COMMD1: variants seen among roughly 807,000 people sequenced by gnomAD.
COMMD1 encodes the protein COMM domain-containing protein 1.
Under a neutral mutation model 17.2 loss-of-function variants are expected in COMMD1, and 10 were observed. The observed-to-expected ratio is 0.58, with a 90% CI of 0.36 to 0.99. The LOEUF (loss-of-function observed/expected upper bound fraction) is 0.99, where lower values mean the gene tolerates loss of function less well. COMMD1 is among the 50% of genes least tolerant of loss of function. The pLI is 0.01. For synonymous variants in COMMD1, 97 were observed against 91.6 expected, an observed-to-expected ratio of 1.06 and a Z score of -0.34; for missense variants, 270 against 231.8, an observed-to-expected ratio of 1.17 and a Z score of -1.07.
intron 1 of COMMD1, 149 bp from the exon 2 acceptor site, chr2:62,000,552 A>T: frequency 1.3e-6 from 1 of 784,486 alleles, no homozygotes; most frequent in Non-Finnish European, 2.1e-6. Context: ...TCTGCCTCCC[A>T]AAGTGCTGAG....
chr2:61,975,118 CTTTTTTTT>C lies in COMMD1; in HGVS notation c.181-25568_181-25561del. On this transcript the variant is annotated intron_variant, in intron 1 of 2. Transcript: ENST00000311832. ...TCATGGCTCGATAGCTCATTTCTTTCTTTTTTTTTTTTTTTTTTTTTTGTATTTTAATT... is the reference window on the plus strand; with the variant it reads ...TCATGGCTCGATAGCTCATTTCTTTCTTTTTTTTTTTTTTGTATTTTAATT... Among the ~76,000 whole-genome samples the C allele has an allele frequency of 2.5e-3, 198 of 80,176 alleles. 2 individuals carry two copies. In the East Asian group the frequency reaches 0.027, roughly 11 times the overall value. 52.6% of individuals were successfully genotyped at this position (80,176 alleles called of 152,430 possible). A position where few individuals can be genotyped will look rare whatever the true frequency, so the allele number is the denominator to read the frequency against.
intron 1 of COMMD1, among the ~76,000 whole-genome samples, chr2:61,891,543 G>A (rs909488912): frequency 1.3e-5 from 2 of 152,004 alleles, no homozygotes; most frequent in Non-Finnish European, 2.9e-5. Flanking sequence ...GCCTGGCCAA[G>A]ATGGTGAAAT....
chr2:62,037,414 ACT>A (rs1330152361), intron 2 of COMMD1, among the ~76,000 whole-genome samples: 1 of 152,052 alleles, frequency 6.6e-6, no homozygotes, highest in African/African-American at 2.4e-5. Flanking sequence ...TAATTAGTAA[ACT>A]CTATGTGGCC....
At chr2:61,920,893 ATG>A (rs955209805) in intron 1 of COMMD1, among the ~76,000 whole-genome samples, 9 of 149,944 alleles carry the variant, frequency 6.0e-5, no homozygotes, top group South Asian at 2.1e-4. Flanking sequence ...ATATATATAA[ATG>A]TGTGTGTGTG....
At chr2:62,039,382 T>A (rs1200584349) in intron 2 of COMMD1, among the ~76,000 whole-genome samples, 1 of 152,260 alleles carries the variant, frequency 6.6e-6, no homozygotes, top group African/African-American at 2.4e-5. Flanking sequence ...AAGCCTGTGC[T>A]CTTCCCTTTT....
intron 2 of COMMD1, among the ~76,000 whole-genome samples, chr2:62,121,371 CAAAAAAAA>C (rs55789110): frequency 3.1e-3 from 144 of 47,210 alleles, no homozygotes; most frequent in African/African-American, 9.6e-3. Context: ...GACTCTTTCT[CAAAAAAAA>C]AAAAAAAAAA....
chr2:61,962,829 T>G (rs1433540867), intron 1 of COMMD1, among the ~76,000 whole-genome samples: 1 of 152,110 alleles, frequency 6.6e-6, no homozygotes, highest in Non-Finnish European at 1.5e-5. Context: ...TGTCTCTTAT[T>G]TTCACTGGTC....
At chr2:62,110,111 T>C (rs1558603499) in intron 2 of COMMD1, among the ~76,000 whole-genome samples, 1 of 151,958 alleles carries the variant, frequency 6.6e-6, no homozygotes, top group African/African-American at 2.4e-5. Context: ...AGACAGGGTC[T>C]CTTGCCCAGG....
At chr2:62,070,578 A>G (rs1050183805) in intron 2 of COMMD1, among the ~76,000 whole-genome samples, 20 of 151,808 alleles carry the variant, frequency 1.3e-4, no homozygotes, top group Non-Finnish European at 2.8e-4. Flanking sequence ...CTAAAAGATA[A>G]AAGAAAAGGA....
At chr2:61,960,164 C>CTTATAG (rs1558537629) in intron 1 of COMMD1, among the ~76,000 whole-genome samples, 1 of 152,010 alleles carries the variant, frequency 6.6e-6, no homozygotes, top group Non-Finnish European at 1.5e-5. Flanking sequence ...GGATAGCAAT[C>CTTATAG]TTATAGTAAG....
At chr2:61,920,500 A>AC (rs1249939700) in intron 1 of COMMD1, among the ~76,000 whole-genome samples, 1 of 152,074 alleles carries the variant, frequency 6.6e-6, no homozygotes, top group Non-Finnish European at 1.5e-5. Flanking sequence ...CCTCTAAAAA[A>AC]GGCTAAATTC....
At chr2:62,042,785 A>T (rs1164511557) in intron 2 of COMMD1, among the ~76,000 whole-genome samples, 1 of 152,158 alleles carries the variant, frequency 6.6e-6, no homozygotes, top group African/African-American at 2.4e-5. Context: ...AAGCCACCAC[A>T]CACCCGGCCT....
intron 1 of COMMD1, among the ~76,000 whole-genome samples, chr2:61,907,168 C>T (rs534568388): frequency 4.0e-5 from 6 of 151,548 alleles, no homozygotes; most frequent in African/African-American, 1.2e-4. Context: ...TGCAGTGGCC[C>T]GATCTCGGCT....
intron 1 of COMMD1, among the ~76,000 whole-genome samples, chr2:61,889,242 T>C (rs1291314720): frequency 1.7e-5 from 2 of 121,094 alleles, no homozygotes; most frequent in Non-Finnish European, 3.3e-5. Context: ...AGTCTCGCTC[T>C]GTCGTCCAGG....
At chr2:62,124,601 G>A (rs917713246) in intron 2 of COMMD1, among the ~76,000 whole-genome samples, 1 of 152,080 alleles carries the variant, frequency 6.6e-6, no homozygotes, top group Non-Finnish European at 1.5e-5. Context: ...CCAGCCTGGA[G>A]TGTAGTGGTA....
In COMMD1 at chr2:62,074,920, G is replaced by A. The variant is rs534272270; in HGVS notation, c.463-60911G>A. On this transcript the variant is annotated intron_variant, in intron 2 of 2. Coordinates refer to ENST00000311832, the MANE Select transcript of COMMD1 (RefSeq NM_152516.4). ...TTTTTTTTTTTTGAGGCAAAGTCTC[G>A]CTCTTGTTGTCCAGGCTGGAGTGCA... 1.6e-3 allele frequency among the ~76,000 whole-genome samples: 207 copies of A among 128,836 alleles called. 2 individuals are homozygous for A. The highest frequency in any genetic ancestry group is 4.8e-3 in the African/African-American group (160 of 33,458). 84.5% of individuals were successfully genotyped at this position (128,836 alleles called of 152,430 possible). A position where few individuals can be genotyped will look rare whatever the true frequency, so the allele number is the denominator to read the frequency against.
At chr2:62,068,237 A>G (rs943215090) in intron 2 of COMMD1, among the ~76,000 whole-genome samples, 1 of 152,222 alleles carries the variant, frequency 6.6e-6, no homozygotes, top group Non-Finnish European at 1.5e-5. Flanking sequence ...AGACATCTGT[A>G]TGTGTTGAGG....
chr2:62,026,895 A>AAAGC (rs1313456541), intron 2 of COMMD1, among the ~76,000 whole-genome samples: 1 of 152,220 alleles, frequency 6.6e-6, no homozygotes, highest in African/African-American at 2.4e-5. Flanking sequence ...CAGTCTTTCC[A>AAAGC]AAGCTTATCT....
At chr2:62,066,629 C>T (rs1258588774) in intron 2 of COMMD1, among the ~76,000 whole-genome samples, 2 of 151,788 alleles carry the variant, frequency 1.3e-5, no homozygotes, top group African/African-American at 2.4e-5. Context: ...TCTCCATCTC[C>T]TGACCTCGTG....
Sources: gnomAD v4.1 joint callset for allele counts (sites outside exome capture counted in the v4.1 genomes callset) on GRCh38, gnomAD v4.1.1 for gene constraint, MANE v1.5 for transcripts, NCBI Gene and HGNC (gene_info 2026-07-23, HGNC 2026-07-21) for gene names.